ZNF385D: variants seen among roughly 807,000 people sequenced by gnomAD.
The protein encoded by ZNF385D is zinc finger protein 385D.
A neutral mutation model predicts 35.8 loss-of-function variants in ZNF385D; 15 were observed. The observed-to-expected ratio is 0.42, with a 90% CI of 0.28 to 0.64. The LOEUF (loss-of-function observed/expected upper bound fraction) is 0.64, where lower values mean the gene tolerates loss of function less well. Ranked by LOEUF, ZNF385D falls within the 30% of genes least tolerant of loss-of-function variation. ZNF385D has a pLI of 0.23. For synonymous variants in ZNF385D, 212 were observed against 186.8 expected (o/e 1.13, Z -1.10); for missense variants, 474 against 494.6 (o/e 0.96, Z 0.39).
intron 3 of ZNF385D, among the ~76,000 whole-genome samples, chr3:21,925,272 T>A (rs1213661432): frequency 6.6e-6 from 1 of 152,058 alleles, no homozygotes; most frequent in East Asian, 1.9e-4. Context: ...ACAACCAAGG[T>A]TGTTTGGTAT....
At chr3:22,045,096 A>T (rs141190603) in intron 3 of ZNF385D, among the ~76,000 whole-genome samples, 1 of 152,028 alleles carries the variant, frequency 6.6e-6, no homozygotes, top group Non-Finnish European at 1.5e-5. Context: ...CTCCCATCGG[A>T]TCCCTATTGC....
At chr3:22,205,954 A>T (rs951318639) in intron 2 of ZNF385D, among the ~76,000 whole-genome samples, 3 of 151,956 alleles carry the variant, frequency 2.0e-5, no homozygotes, top group African/African-American at 7.2e-5. Context: ...CCATCAAAAG[A>T]CATAGAGTGG....
chr3:21,673,102 C>T (rs1214689697), intron 1 of ZNF385D, among the ~76,000 whole-genome samples: 1 of 152,042 alleles, frequency 6.6e-6, no homozygotes, highest in Non-Finnish European at 1.5e-5. Flanking sequence ...TATAAAATCA[C>T]AAAATTTCCC....
intron 2 of ZNF385D, among the ~76,000 whole-genome samples, chr3:22,290,170 T>C (rs1383549565): frequency 6.6e-6 from 1 of 152,128 alleles, no homozygotes; most frequent in Non-Finnish European, 1.5e-5. Flanking sequence ...GAGTGCTACA[T>C]GTGTGGCCTG....
chr3:22,016,270 G>A (rs1022575714), intron 3 of ZNF385D, among the ~76,000 whole-genome samples: 3 of 152,032 alleles, frequency 2.0e-5, no homozygotes, highest in Non-Finnish European at 4.4e-5. Flanking sequence ...GGGTAGGTAT[G>A]CGTCCAAACT....
intron 3 of ZNF385D, among the ~76,000 whole-genome samples, chr3:21,919,630 A>C (rs1259269286): frequency 6.6e-6 from 1 of 152,224 alleles, no homozygotes; most frequent in African/African-American, 2.4e-5. Context: ...TAATTGCTGC[A>C]GGCAGACTAG....
intron 3 of ZNF385D, among the ~76,000 whole-genome samples, chr3:21,898,394 T>C (rs1233859362): frequency 2.0e-5 from 3 of 152,182 alleles, no homozygotes; most frequent in African/African-American, 7.2e-5. Flanking sequence ...TTCATTTTCA[T>C]TGCTATTGGA....
intron 3 of ZNF385D, among the ~76,000 whole-genome samples, chr3:21,815,453 G>A (rs553638871): frequency 3.3e-5 from 5 of 152,226 alleles, no homozygotes; most frequent in Non-Finnish European, 5.9e-5. Context: ...TAATAAAGAA[G>A]AAAAGAGAGA....
intron 3 of ZNF385D, among the ~76,000 whole-genome samples, chr3:21,910,084 T>TACACACACACACACACACACACACACAC (rs112815077): frequency 3.3e-4 from 49 of 149,342 alleles, no homozygotes; most frequent in Admixed American, 2.1e-3. Context: ...ACATATATTT[T>TACACACACACACACACACACACACACAC]ACACACACAC....
chr3:22,142,176 T>C (rs779133593), intron 3 of ZNF385D, among the ~76,000 whole-genome samples: 1 of 152,212 alleles, frequency 6.6e-6, no homozygotes, highest in Non-Finnish European at 1.5e-5. Context: ...GTGTTGTTGT[T>C]TCACTGTACC....
chr3:22,239,291 C>T (rs1432149641), intron 2 of ZNF385D, among the ~76,000 whole-genome samples: 1 of 150,986 alleles, frequency 6.6e-6, no homozygotes, highest in Non-Finnish European at 1.5e-5. Context: ...GTGGTGCTTT[C>T]ACGCTAAAAT....
At chr3:22,293,621 G>T (rs907870665) in intron 2 of ZNF385D, among the ~76,000 whole-genome samples, 5 of 151,946 alleles carry the variant, frequency 3.3e-5, no homozygotes, top group Admixed American at 6.6e-5. Context: ...TATATTTTTT[G>T]GCAAAAGAAT....
chr3:22,097,527 G>T (rs567998404), intron 3 of ZNF385D, among the ~76,000 whole-genome samples: 1 of 152,030 alleles, frequency 6.6e-6, no homozygotes, highest in Non-Finnish European at 1.5e-5. Context: ...TATTCCTAAT[G>T]AATGCAAGAT....
chr3:22,336,325 C>T (rs1392161239), intron 2 of ZNF385D, among the ~76,000 whole-genome samples: 1 of 152,094 alleles, frequency 6.6e-6, no homozygotes, highest in Non-Finnish European at 1.5e-5. Context: ...GCAACTTGTA[C>T]AATACCAAAA....
At chr3:21,844,879 A>G (rs1056131941) in intron 3 of ZNF385D, among the ~76,000 whole-genome samples, 9 of 151,998 alleles carry the variant, frequency 5.9e-5, no homozygotes, top group South Asian at 2.1e-4. Flanking sequence ...ATACACTGAG[A>G]TAATTTAAGA....
intron 3 of ZNF385D, among the ~76,000 whole-genome samples, chr3:22,076,545 C>T (rs1700474022): frequency 6.6e-6 from 1 of 151,918 alleles, no homozygotes; most frequent in African/African-American, 2.4e-5. Flanking sequence ...GTCTCTATTA[C>T]TATATAATCA....
At chr3:21,727,455 A>G (rs1387969814) in intron 1 of ZNF385D, among the ~76,000 whole-genome samples, 2 of 152,226 alleles carry the variant, frequency 1.3e-5, no homozygotes, top group East Asian at 3.8e-4. Context: ...AGAATCTACA[A>G]AGAACTTAAA....
rs555946193 is a variant in ZNF385D, at chr3:21,693,882, C to CTTT, written c.23-28857_23-28855dup. The stretch of plus-strand genomic sequence containing the variant: ...ATCTTTTTAGAAAATCTTTTTTTTT[C>CTTT]TTTTTTTTTTTTTTTTGAGACGGAG... On this transcript the variant is annotated intron_variant, in intron 1 of 7. Coordinates refer to ENST00000281523, the MANE Select transcript of ZNF385D (RefSeq NM_024697.3). Among the ~76,000 whole-genome samples, 59 of 118,372 alleles carry CTTT rather than the reference C, an allele frequency of 5.0e-4. 1 individual carries two copies. The highest frequency in any genetic ancestry group is 3.0e-3 in the South Asian group (11 of 3,720). 77.7% of individuals were successfully genotyped at this position (118,372 alleles called of 152,430 possible).
chr3:21,855,728 TATTAAAGTAAA>T (rs1696674453), intron 3 of ZNF385D, among the ~76,000 whole-genome samples: 1 of 152,066 alleles, frequency 6.6e-6, no homozygotes. Flanking sequence ...GAGAAGGTGA[TATTAAAGTAAA>T]TTTAAAGTAA....
Sources: gnomAD v4.1 joint callset for allele counts (sites outside exome capture counted in the v4.1 genomes callset) on GRCh38, gnomAD v4.1.1 for gene constraint, MANE v1.5 for transcripts, NCBI Gene and HGNC (gene_info 2026-07-23, HGNC 2026-07-21) for gene names.